The following PPP3CA variants were observed in gnomAD, a reference collection of about 807,000 sequenced individuals.
The protein encoded by PPP3CA is CAM-PRP catalytic subunit.
PPP3CA carries 14 observed loss-of-function variants against 66.5 expected under a neutral mutation model. That is an observed-to-expected ratio of 0.21 (90% confidence interval 0.14 to 0.33). PPP3CA has a LOEUF of 0.33. Among genes scored for constraint, PPP3CA ranks in the 10% least tolerant of loss-of-function variants. PPP3CA has a pLI of 1.00. For missense variants in PPP3CA, 317 were observed against 639.5 expected, an observed-to-expected ratio of 0.50 and a Z score of 5.44; for synonymous variants, 232 against 226.2, an observed-to-expected ratio of 1.03 and a Z score of -0.23.
intron 7 of PPP3CA, 98 bp downstream of exon 7, chr4:101,083,088 T>G: frequency 1.2e-6 from 1 of 862,066 alleles, no homozygotes; most frequent in African/African-American, 1.7e-5. Context: ...CTTTTGGGAG[T>G]GAGCCTGGTA....
intron 1 of PPP3CA, among the ~76,000 whole-genome samples, chr4:101,291,317 C>G (rs1347494153): frequency 6.6e-6 from 1 of 152,200 alleles, no homozygotes; most frequent in Admixed American, 6.5e-5. Context: ...CCACTCTGAG[C>G]TAGGTTTCCT....
chr4:101,030,244 G>T (rs1726881074), intron 12 of PPP3CA, among the ~76,000 whole-genome samples: 1 of 152,048 alleles, frequency 6.6e-6, no homozygotes, highest in Non-Finnish European at 1.5e-5. Flanking sequence ...TCTACCCCTT[G>T]ACTTTAATTT....
chr4:101,171,070 C>A, intron 2 of PPP3CA: 1 of 372,882 alleles, frequency 2.7e-6, no homozygotes, highest in South Asian at 2.0e-5. Flanking sequence ...TTCCAAGTAG[C>A]TATCAATACT....
chr4:101,108,043 C>T (rs1332042031), intron 3 of PPP3CA: 1 of 152,198 alleles, frequency 6.6e-6, no homozygotes, highest in African/African-American at 2.4e-5. Context: ...AACAAGGTCT[C>T]TGCCTTTATT....
chr4:101,214,609 T>G (rs1725402274), intron 1 of PPP3CA, among the ~76,000 whole-genome samples: 1 of 152,022 alleles, frequency 6.6e-6, no homozygotes, highest in Admixed American at 6.6e-5. Context: ...ACCTATTAGA[T>G]GAAACTCAAA....
intron 2 of PPP3CA, among the ~76,000 whole-genome samples, chr4:101,160,018 T>G (rs933879773): frequency 6.6e-6 from 1 of 152,164 alleles, no homozygotes; most frequent in Non-Finnish European, 1.5e-5. Flanking sequence ...TATTCATGTA[T>G]GCATCATTAT....
At chr4:101,104,361 G>C (rs563745271) in intron 3 of PPP3CA, among the ~76,000 whole-genome samples, 16 of 152,128 alleles carry the variant, frequency 1.1e-4, no homozygotes, top group African/African-American at 3.9e-4. Context: ...CTAATGCTTT[G>C]ATCTTCAGAT....
intron 1 of PPP3CA, among the ~76,000 whole-genome samples, chr4:101,252,591 T>C (rs565369139): frequency 1.3e-5 from 2 of 152,324 alleles, no homozygotes; most frequent in African/African-American, 4.8e-5. Flanking sequence ...TGTGCATCTA[T>C]ACACAAAAAT....
intron 2 of PPP3CA, among the ~76,000 whole-genome samples, chr4:101,172,094 G>A (rs1310432874): frequency 1.3e-5 from 2 of 152,086 alleles, no homozygotes; most frequent in Non-Finnish European, 2.9e-5. Context: ...GAGAAAGGAA[G>A]AAACAAAATG....
At chr4:101,334,006 G>C (rs1729542643) in intron 1 of PPP3CA, among the ~76,000 whole-genome samples, 2 of 152,156 alleles carry the variant, frequency 1.3e-5, no homozygotes, top group Non-Finnish European at 2.9e-5. Context: ...GAGCAGGATG[G>C]GTAGATGGAT....
Position 101,346,943 on chromosome 4 carries a change from G to A in PPP3CA, c.-147C>T, listed in dbSNP as rs1730027035. 1 of 925,132 alleles carries A rather than the reference G, an allele frequency of 1.1e-6. No individual in the cohort carries two copies. The highest frequency in any genetic ancestry group is 1.6e-6 in the Non-Finnish European group (1 of 609,864). The allele number at this position is 925,132 out of a possible 1,614,324, so 57.3% of individuals were successfully genotyped here. ...CGGCTGGAGGTCTAGGCTCTGAGCT[G>A]GCTTTAAAGTTGCTGCCTTTTCCGC... On this transcript the variant is annotated 5_prime_UTR_variant, in exon 1 of 14. Coordinates refer to ENST00000394854, the MANE Select transcript of PPP3CA (RefSeq NM_000944.5).
At chr4:101,182,773 G>T (rs191327345) in intron 2 of PPP3CA, among the ~76,000 whole-genome samples, 3 of 152,110 alleles carry the variant, frequency 2.0e-5, no homozygotes, top group African/African-American at 7.2e-5. Flanking sequence ...GACCAGGTGG[G>T]AGATAATTGA....
intron 8 of PPP3CA, among the ~76,000 whole-genome samples, chr4:101,078,350 T>G (rs145647254): frequency 1.3e-5 from 2 of 152,296 alleles, no homozygotes. Flanking sequence ...TTATGAGTTT[T>G]ATACAATAAA....
chr4:101,046,509 TA>T (rs1727772897), intron 10 of PPP3CA, among the ~76,000 whole-genome samples: 2 of 152,082 alleles, frequency 1.3e-5, no homozygotes, highest in South Asian at 4.1e-4. Flanking sequence ...GAAATATATA[TA>T]AAAAGTATAT....
intron 2 of PPP3CA, among the ~76,000 whole-genome samples, chr4:101,191,063 T>C (rs943991356): frequency 1.3e-5 from 2 of 152,210 alleles, no homozygotes; most frequent in African/African-American, 4.8e-5. Context: ...GCTTACCCGC[T>C]ATGAGACTTC....
chr4:101,043,532 A>G (rs1226240731), intron 10 of PPP3CA, among the ~76,000 whole-genome samples: 1 of 151,892 alleles, frequency 6.6e-6, no homozygotes, highest in East Asian at 1.9e-4. Context: ...AGTGAATCAC[A>G]ACACACTCTA....
intron 3 of PPP3CA, among the ~76,000 whole-genome samples, chr4:101,102,759 A>G (rs933226986): frequency 3.4e-4 from 52 of 152,320 alleles, no homozygotes; most frequent in African/African-American, 1.3e-3. Context: ...ACAATTAGTT[A>G]ATTGTTTATT....
In PPP3CA at chr4:101,201,474, G is replaced by A. The variant is rs1269071079; in HGVS notation, c.59-5358C>T. 3.3e-5 allele frequency among the ~76,000 whole-genome samples: 5 copies of A among 152,340 alleles called. No individual in the cohort carries two copies. The East Asian group carries it at 7.7e-4, about 24-fold the overall frequency. ...ACCTAATCCCAGGTTACACAAATAT[G>A]AATTTCAGATTGAGATCCACTGATC... On this transcript the variant is annotated intron_variant, in intron 1 of 13. Transcript: ENST00000394854.
intron 2 of PPP3CA, among the ~76,000 whole-genome samples, chr4:101,124,715 AAGAAAGAAAGAGAAAGAAAGAAAG>A (rs1722160389): frequency 4.5e-5 from 4 of 88,020 alleles, no homozygotes; most frequent in African/African-American, 1.8e-4. Flanking sequence ...GAAAGAAAGA[AAGAAAGAAAGAGAAAGAAAGAAAG>A]AAAGAAAGAA....
Sources: allele counts gnomAD v4.1 joint callset (sites outside exome capture counted in the v4.1 genomes callset), GRCh38; gene constraint gnomAD v4.1.1; transcripts MANE v1.5; gene names NCBI Gene and HGNC (gene_info 2026-07-23, HGNC 2026-07-21).